TAS2R31: variants seen among roughly 807,000 people sequenced by gnomAD.
TAS2R31 encodes taste receptor type 2 member 31.
For missense variants in TAS2R31, 352 were observed against 347.4 expected (o/e 1.01, Z -0.10); for synonymous variants, 118 against 131.4 (o/e 0.90, Z 0.70).
In TAS2R31 at chr12:11,030,694, T is replaced by G; in HGVS notation, c.642A>C (p.Lys214Asn). ...KHLKKMQLHG[K>N]GSQDPSTKVH... ...CCTTGGTGCTGGGATCTTGAGATCC[T>G]TTACCATGGAGCTGCATCTTCTTGA... Residue 214 changes from lysine (K) to asparagine (N), a missense_variant, in exon 1 of 1, where the codon AAA (lysine) becomes AAC (asparagine). Transcript: ENST00000390675. 6.2e-7 allele frequency: 1 copy of G among 1,614,188 alleles called. No homozygotes were observed. The highest frequency in any genetic ancestry group is 1.3e-5 in the African/African-American group (1 of 75,034).
rs550312240 is a variant in TAS2R31 at position 11,030,391 on chromosome 12, G to A, written c.*15C>T. 9.3e-6 allele frequency: 15 copies of A among 1,608,446 alleles called. No homozygotes were observed. The Admixed American group carries it at 2.5e-4, about 27-fold the overall frequency. On this transcript the variant is annotated 3_prime_UTR_variant, in exon 1 of 1. Transcript: ENST00000390675. ...TGTTTTCTGCTAGAAGACACACAAT[G>A]CCCCTCTCATGAATCTATGGAGATG...
chr12:11,030,938 A>G lies in TAS2R31; in HGVS notation c.398T>C (p.Leu133Pro). The G allele has an allele frequency of 1.9e-6, 3 of 1,614,294 alleles. No individual in the cohort carries two copies. The highest frequency in any genetic ancestry group is 2.5e-6 in the Non-Finnish European group (3 of 1,180,048). Residue 133 changes from leucine (L) to proline (P), a missense_variant, in exon 1 of 1, where the codon CTG becomes CCG. By Grantham distance (98) the Leu-to-Pro change is moderately conservative (BLOSUM62 -3). Coordinates refer to ENST00000390675, the MANE Select transcript of TAS2R31 (RefSeq NM_176885.2). ...AGCCAAAAATAGTAAAGGCCCCAACAGCATCACCAGAATGACACTCTTAAC... is the reference window on the plus strand; with the variant it reads ...AGCCAAAAATAGTAAAGGCCCCAACGGCATCACCAGAATGACACTCTTAAC... ...RRVKSVILVMLLGPLLFLACQ... is the reference protein window; with the variant it reads ...RRVKSVILVMPLGPLLFLACQ...
In TAS2R31 at chr12:11,030,513, G is replaced by C; in HGVS notation, c.823C>G (p.His275Asp). The change falls in exon 1 of 1, where the codon CAC (histidine) becomes GAC (aspartate). Residue 275 changes from histidine (H) to aspartate (D), a missense_variant. His to Asp is a moderately conservative substitution (Grantham distance 81, BLOSUM62 -1). Transcript: ENST00000390675. The part of the protein sequence containing the change: ...KAIRFSYPSI[H>D]PFILIWGNKK... ...TTTCCCCAAATCAGGATGAATGGGT[G>C]GATTGAAGGATAGCTGAATCTAATA... is the stretch of plus-strand genomic sequence containing the variant. The C allele has an allele frequency of 2.5e-6, 4 of 1,614,220 alleles. No individual in the cohort carries two copies. The highest frequency in any genetic ancestry group is 3.4e-6 in the Non-Finnish European group (4 of 1,180,024).
chr12:11,031,216 C>A lies in TAS2R31; in HGVS notation c.120G>T (p.Lys40Asn). The change falls in exon 1 of 1, where the codon AAG becomes AAT. Residue 40 changes from lysine (K) to asparagine (N), a missense_variant. Physicochemically the swap from Lys to Asn is moderately conservative, Grantham distance 94 (BLOSUM62 0). Coordinates refer to ENST00000390675, the MANE Select transcript of TAS2R31 (RefSeq NM_176885.2). ...VNSIERVKRQKISFADQILTA... is the reference protein window; with the variant it reads ...VNSIERVKRQNISFADQILTA... Reference sequence around the variant, plus strand: ...TGAGAATCTGGTCAGCAAAAGAGATCTTTTGTCTCTTGACCCGCTCAATGG... The same window carrying A: ...TGAGAATCTGGTCAGCAAAAGAGATATTTTGTCTCTTGACCCGCTCAATGG... 2 of 1,614,120 alleles carry A rather than the reference C, an allele frequency of 1.2e-6. No individual in the cohort carries two copies. The highest frequency in any genetic ancestry group is 1.7e-6 in the Non-Finnish European group (2 of 1,179,984).
Position 11,030,871 on chromosome 12 carries a change from T to G in TAS2R31, c.465A>C (p.Thr155=). Residue 155 remains threonine (T), a synonymous_variant, in exon 1 of 1, where the codon ACA becomes ACC. Transcript: ENST00000390675. ...FVINMKEIVR[T]KEYEGNLTWK... ...AAGTCAAGTTTCCTTCATATTCTTT[T>G]GTCCGTACAATCTCTTTCATGTTTA... 1 of 1,614,214 alleles carries G rather than the reference T, an allele frequency of 6.2e-7. No individual in the cohort carries two copies. The highest frequency in any genetic ancestry group is 8.5e-7 in the Non-Finnish European group (1 of 1,180,002).
Position 11,030,552 on chromosome 12 carries a change from T to C in TAS2R31, c.784A>G (p.Met262Val), listed in dbSNP as rs751181566. The C allele has an allele frequency of 2.7e-5, 43 of 1,614,082 alleles. No individual in the cohort carries two copies. The highest frequency in any genetic ancestry group is 4.2e-6 in the Non-Finnish European group (5 of 1,180,000). The part of the protein sequence containing the change: ...FGSLENKPVF[M>V]FCKAIRFSYP... ...CTGAATCTAATAGCTTTGCAGAACATGAAGACAGGTTTGTTTTCCAGACTC... is the reference window on the plus strand; with the variant it reads ...CTGAATCTAATAGCTTTGCAGAACACGAAGACAGGTTTGTTTTCCAGACTC... Residue 262 changes from methionine (M) to valine (V), a missense_variant, in exon 1 of 1, where the codon ATG becomes GTG. Met to Val is a conservative substitution (Grantham distance 21, BLOSUM62 1). Coordinates refer to ENST00000390675, the MANE Select transcript of TAS2R31 (RefSeq NM_176885.2).
rs768284065 is a variant in TAS2R31, at chr12:11,030,880, A to G, written c.456T>C (p.Ile152=). The change falls in exon 1 of 1, where the codon ATT becomes ATC. Residue 152 remains isoleucine, a synonymous_variant. Transcript: ENST00000390675. ...TTCCTTCATATTCTTTTGTCCGTAC[A>G]ATCTCTTTCATGTTTATCACAAAAA... ...CQLFVINMKE[I]VRTKEYEGNL... The G allele has an allele frequency of 4.3e-6, 7 of 1,614,088 alleles. No homozygotes were observed. In the Admixed American group the frequency reaches 1.2e-4, roughly 27 times the overall value.
Position 11,030,946 on chromosome 12 carries a change from C to G in TAS2R31, c.390G>C (p.Leu130=). ...ATAGTAAAGGCCCCAACAGCATCAC[C>G]AGAATGACACTCTTAACTCTCCTCT... ...HLKRRVKSVI[L]VMLLGPLLFL... The change falls in exon 1 of 1, where the codon CTG becomes CTC. Residue 130 remains leucine, a synonymous_variant. Transcript: ENST00000390675. 6.2e-7 allele frequency: 1 copy of G among 1,614,266 alleles called. No homozygotes were observed. The highest frequency in any genetic ancestry group is 2.2e-5 in the East Asian group (1 of 44,892).
Position 11,030,505 on chromosome 12 carries a change from G to A in TAS2R31, c.831C>T (p.Phe277=), listed in dbSNP as rs1942141170. 1.2e-6 allele frequency: 2 copies of A among 1,614,260 alleles called. No individual in the cohort carries two copies. The highest frequency in any genetic ancestry group is 2.2e-5 in the East Asian group (1 of 44,894). ...IRFSYPSIHP[F]ILIWGNKKLK... ...GCTTCTTGTTTCCCCAAATCAGGATGAATGGGTGGATTGAAGGATAGCTGA... is the reference window on the plus strand; with the variant it reads ...GCTTCTTGTTTCCCCAAATCAGGATAAATGGGTGGATTGAAGGATAGCTGA... The change falls in exon 1 of 1, where the codon TTC becomes TTT. Residue 277 remains phenylalanine (F), a synonymous_variant. Transcript: ENST00000390675.
Position 11,031,388 on chromosome 12 carries a change from G to C in TAS2R31, c.-53C>G. The C allele has an allele frequency of 6.3e-7, 1 of 1,581,400 alleles. No homozygotes were observed. The highest frequency in any genetic ancestry group is 8.6e-7 in the Non-Finnish European group (1 of 1,165,586). The stretch of plus-strand genomic sequence containing the variant: ...TAATGCTGGTGTTGTGTCCGGAGTT[G>C]GTTCCTGCAGGTGGGTTCGTGGTCT... On this transcript the variant is annotated 5_prime_UTR_variant, in exon 1 of 1. Transcript: ENST00000390675.
Position 11,030,560 on chromosome 12 carries a change from G to C in TAS2R31, c.776C>G (p.Pro259Arg), listed in dbSNP as rs184772091. 3.1e-6 allele frequency: 5 copies of C among 1,614,056 alleles called. No homozygotes were observed. In the African/African-American group the frequency reaches 6.7e-5, roughly 22 times the overall value. ...VWSFGSLENK[P>R]VFMFCKAIRF... ...AATAGCTTTGCAGAACATGAAGACA[G>C]GTTTGTTTTCCAGACTCCCAAAACT... The change falls in exon 1 of 1, where the codon CCT becomes CGT. Residue 259 changes from proline (P) to arginine (R), a missense_variant. Coordinates refer to ENST00000390675, the MANE Select transcript of TAS2R31 (RefSeq NM_176885.2).
chr12:11,030,755 C>A lies in TAS2R31; in HGVS notation c.581G>T (p.Cys194Phe), dbSNP rs1369450158. 6.3e-7 allele frequency: 1 copy of A among 1,589,796 alleles called. No individual in the cohort carries two copies. The highest frequency in any genetic ancestry group is 1.1e-5 in the South Asian group (1 of 89,656). Residue 194 changes from cysteine (C) to phenylalanine (F), a missense_variant, in exon 1 of 1, where the codon TGT becomes TTT. Physicochemically the swap from Cys to Phe is radical, Grantham distance 205. Coordinates refer to ENST00000390675, the MANE Select transcript of TAS2R31 (RefSeq NM_176885.2). ...CAGAGAACAGATTAACAGCAAAAAA[C>A]ATAGCAGGGTCAGAGTGAAGGGCAC... ...NLVPFTLTLLCFLLLICSLCK... is the reference protein window; with the variant it reads ...NLVPFTLTLLFFLLLICSLCK...
At position 11,030,801 on chromosome 12, in the gene TAS2R31, C is replaced by T. The variant is rs766180643; in HGVS notation, c.535G>A (p.Val179Ile). Reference protein sequence around the residue: ...RSAVYLSDATVTTLGNLVPFT... With the variant: ...RSAVYLSDATITTLGNLVPFT... ...GGCACTAAGTTTCCTAGCGTGGTTA[C>T]AGTCGCATCTGAAAGGTACACTGCA... The change falls in exon 1 of 1, where the codon GTA (valine) becomes ATA (isoleucine). Residue 179 changes from valine to isoleucine, a missense_variant. Coordinates refer to ENST00000390675, the MANE Select transcript of TAS2R31 (RefSeq NM_176885.2). 13 of 1,614,058 alleles carry T rather than the reference C, an allele frequency of 8.1e-6. No homozygotes were observed. The South Asian group carries it at 1.4e-4, about 18-fold the overall frequency.
At position 11,030,831 on chromosome 12, in the gene TAS2R31, T is replaced by C. The variant is rs757306110; in HGVS notation, c.505A>G (p.Arg169Gly). Residue 169 changes from arginine (R) to glycine (G), a missense_variant, in exon 1 of 1, where the codon AGG becomes GGG. Coordinates refer to ENST00000390675, the MANE Select transcript of TAS2R31 (RefSeq NM_176885.2). ...GCATCTGAAAGGTACACTGCACTCC[T>C]CAATTTGATCTTCCAAGTCAAGTTT... The part of the protein sequence containing the change: ...EGNLTWKIKL[R>G]SAVYLSDATV... 2.5e-6 allele frequency: 4 copies of C among 1,614,080 alleles called. No homozygotes were observed. In the African/African-American group the frequency reaches 5.3e-5, roughly 22 times the overall value.
rs143833452 is a variant in TAS2R31 at position 11,030,680 on chromosome 12, G to A, written c.656C>T (p.Pro219Leu). 286 of 1,614,146 alleles carry A rather than the reference G, an allele frequency of 1.8e-4. No individual in the cohort carries two copies. The African/African-American group carries it at 3.3e-3, about 18-fold the overall frequency. The change falls in exon 1 of 1, where the codon CCC becomes CTC. Residue 219 changes from proline (P) to leucine (L), a missense_variant. Physicochemically the swap from Pro to Leu is moderately conservative, Grantham distance 98 (BLOSUM62 -3). Transcript: ENST00000390675. ...AGCTTTTATGTGGACCTTGGTGCTG[G>A]GATCTTGAGATCCTTTACCATGGAG... ...MQLHGKGSQD[P>L]STKVHIKALQ...
rs372174270 is a variant in TAS2R31, at chr12:11,031,232, C to A, written c.104G>T (p.Arg35Leu). The stretch of plus-strand genomic sequence containing the variant: ...AAAAGAGATCTTTTGTCTCTTGACC[C>A]GCTCAATGGAATTTACCAATGCTAT... ...GFIALVNSIE[R>L]VKRQKISFAD... is the part of the protein sequence containing the mutation. The change falls in exon 1 of 1, where the codon CGG becomes CTG. Residue 35 changes from arginine to leucine, a missense_variant. Transcript: ENST00000390675. The A allele has an allele frequency of 1.2e-6, 2 of 1,613,974 alleles. No homozygotes were observed. Among genetic ancestry groups the A allele is most frequent in the African/African-American group, 2.7e-5 (2 of 74,898 alleles).
chr12:11,030,779 A>G lies in TAS2R31; in HGVS notation c.557T>C (p.Val186Ala). ...DATVTTLGNL[V>A]PFTLTLLCFL... ...ACATAGCAGGGTCAGAGTGAAGGGC[A>G]CTAAGTTTCCTAGCGTGGTTACAGT... is the stretch of plus-strand genomic sequence containing the variant. The change falls in exon 1 of 1, where the codon GTG (valine) becomes GCG (alanine). Residue 186 changes from valine to alanine, a missense_variant. Coordinates refer to ENST00000390675, the MANE Select transcript of TAS2R31 (RefSeq NM_176885.2). 1 of 1,614,192 alleles carries G rather than the reference A, an allele frequency of 6.2e-7. No individual in the cohort carries two copies. Among genetic ancestry groups the G allele is most frequent in the Non-Finnish European group, 8.5e-7 (1 of 1,180,018 alleles).
At position 11,030,784 on chromosome 12, in the gene TAS2R31, G is replaced by A; in HGVS notation, c.552C>T (p.Asn184=). ...LSDATVTTLG[N]LVPFTLTLLC... is the part of the protein sequence containing the mutation. ...GCAGGGTCAGAGTGAAGGGCACTAA[G>A]TTTCCTAGCGTGGTTACAGTCGCAT... Residue 184 remains asparagine, a synonymous_variant, in exon 1 of 1, where the codon AAC becomes AAT. Transcript: ENST00000390675. The A allele has an allele frequency of 6.2e-7, 1 of 1,614,160 alleles. No individual in the cohort carries two copies. Among genetic ancestry groups the A allele is most frequent in the Non-Finnish European group, 8.5e-7 (1 of 1,180,024 alleles).
Position 11,030,485 on chromosome 12 carries a change from T to C in TAS2R31, c.851A>G (p.Lys284Arg), listed in dbSNP as rs751935462. 4 of 1,614,284 alleles carry C rather than the reference T, an allele frequency of 2.5e-6. No individual in the cohort carries two copies. Among genetic ancestry groups the C allele is most frequent in the Admixed American group, 1.7e-5 (1 of 60,038 alleles). Residue 284 changes from lysine to arginine, a missense_variant, in exon 1 of 1, where the codon AAG (lysine) becomes AGG (arginine). Lys to Arg is a conservative substitution (Grantham distance 26). Coordinates refer to ENST00000390675, the MANE Select transcript of TAS2R31 (RefSeq NM_176885.2). ...IHPFILIWGN[K>R]KLKQTFLSVL... is the part of the protein sequence containing the mutation. ...TGAAAGAAAAGTCTGCTTTAGCTTC[T>C]TGTTTCCCCAAATCAGGATGAATGG...
Sources: gnomAD v4.1 joint callset for allele counts on GRCh38, gnomAD v4.1.1 for gene constraint, MANE v1.5 for transcripts, NCBI Gene and HGNC (gene_info 2026-07-23, HGNC 2026-07-21) for gene names.